FSTL5: variants seen among roughly 807,000 people sequenced by gnomAD.
FSTL5 encodes follistatin-related protein 5.
In FSTL5, 62 loss-of-function variants were observed where a neutral mutation model predicts 89.1. The ratio of observed to expected loss-of-function variants is 0.70; its 90% CI spans 0.57 to 0.86. The LOEUF is 0.86. Among genes scored for constraint, FSTL5 ranks in the 40% least tolerant of loss-of-function variants. FSTL5 has a pLI of 0.00. For synonymous variants in FSTL5, 383 were observed against 346.2 expected (o/e 1.11, Z -1.18); for missense variants, 1,057 against 1,001.6 (o/e 1.06, Z -0.75).
chr4:161,531,357 G>A (rs1731405832), intron 10 of FSTL5, among the ~76,000 whole-genome samples: 1 of 152,098 alleles, frequency 6.6e-6, no homozygotes, highest in Non-Finnish European at 1.5e-5. Context: ...ACTACTATGA[G>A]CTCTCTATTA....
intron 1 of FSTL5, among the ~76,000 whole-genome samples, chr4:162,143,740 AC>A (rs1561043124): frequency 1.7e-4 from 8 of 48,090 alleles, no homozygotes; most frequent in African/African-American, 3.2e-4. Flanking sequence ...ACACACACAC[AC>A]ACACACACCC....
At chr4:161,908,299 TA>T (rs1010117373) in intron 4 of FSTL5, among the ~76,000 whole-genome samples, 13 of 151,308 alleles carry the variant, frequency 8.6e-5, no homozygotes, top group Admixed American at 5.3e-4. Context: ...ATGTATTAAC[TA>T]AAAAAAAATC....
chr4:161,677,572 AT>A lies in FSTL5; in HGVS notation c.728-21079del, dbSNP rs1204560910. Among the ~76,000 whole-genome samples, 7 of 152,110 alleles carry A rather than the reference AT, an allele frequency of 4.6e-5. No homozygotes were observed. In the East Asian group the frequency reaches 5.8e-4, roughly 13 times the overall value. Reference sequence around the variant, plus strand: ...TATTGGAAAATCACAGCACAAAAAAATATTAGCTACAAAGTTTCGAGGATAT... The same window carrying A: ...TATTGGAAAATCACAGCACAAAAAAAATTAGCTACAAAGTTTCGAGGATAT... On this transcript the variant is annotated intron_variant, in intron 6 of 15. Coordinates refer to ENST00000306100, the MANE Select transcript of FSTL5 (RefSeq NM_020116.5).
intron 2 of FSTL5, among the ~76,000 whole-genome samples, chr4:162,055,935 A>G (rs1738528183): frequency 6.6e-6 from 1 of 151,926 alleles, no homozygotes; most frequent in Non-Finnish European, 1.5e-5. Context: ...CAAACAATAC[A>G]GAATAATAAT....
At chr4:161,721,248 G>A (rs1253511294) in intron 6 of FSTL5, among the ~76,000 whole-genome samples, 11 of 134,518 alleles carry the variant, frequency 8.2e-5, no homozygotes, top group Non-Finnish European at 1.7e-4. Context: ...ACTGCAGTCC[G>A]CAGTCCGGCC....
chr4:161,422,041 T>C (rs894547401), intron 15 of FSTL5, among the ~76,000 whole-genome samples: 2 of 152,078 alleles, frequency 1.3e-5, no homozygotes, highest in Non-Finnish European at 1.5e-5. Context: ...CTATGTATAT[T>C]ATATACGGCA....
At chr4:161,580,036 C>T (rs1733380266) in intron 8 of FSTL5, among the ~76,000 whole-genome samples, 1 of 152,076 alleles carries the variant, frequency 6.6e-6, no homozygotes, top group Admixed American at 6.6e-5. Context: ...GAACTTTAAT[C>T]TCTTCAGTTT....
intron 7 of FSTL5, among the ~76,000 whole-genome samples, chr4:161,651,881 G>A (rs908823799): frequency 2.6e-5 from 4 of 152,130 alleles, no homozygotes; most frequent in Non-Finnish European, 5.9e-5. Context: ...ATATAAAACA[G>A]ACGAAATGAA....
rs369295976 is a variant in FSTL5 at position 161,579,771 on chromosome 4, A to T, written c.1015+7684T>A. Among the ~76,000 whole-genome samples the T allele has an allele frequency of 4.3e-3, 642 of 148,210 alleles. 4 individuals are homozygous for T. Among genetic ancestry groups the T allele is most frequent in the African/African-American group, 0.013 (534 of 40,606 alleles). ...AAAGAAAAAGAAAAAAAGAAAAAAA[A>T]ATGGATGTGATCATTTGAAAATGGA... On this transcript the variant is annotated intron_variant, in intron 8 of 15. Transcript: ENST00000306100.
intron 4 of FSTL5, among the ~76,000 whole-genome samples, chr4:161,779,783 ATATATATATATATATATATATATATATG>A (rs1560840839): frequency 0.045 from 1,705 of 38,030 alleles, 102 homozygotes; most frequent in African/African-American, 0.19. Context: ...ATGTATATAT[ATATATATATATATATATATATATATATG>A]TATATATATA....
At chr4:161,712,824 G>A (rs547271158) in intron 6 of FSTL5, among the ~76,000 whole-genome samples, 11 of 151,646 alleles carry the variant, frequency 7.3e-5, no homozygotes. Flanking sequence ...GCTTAAAAGG[G>A]CTTGACCCCT....
At chr4:161,845,119 G>A (rs953867826) in intron 4 of FSTL5, among the ~76,000 whole-genome samples, 3 of 152,130 alleles carry the variant, frequency 2.0e-5, no homozygotes, top group African/African-American at 7.2e-5. Flanking sequence ...TCTTTCCTGA[G>A]TTGAAGTGTC....
chr4:161,743,670 G>T (rs2126774362), intron 6 of FSTL5, among the ~76,000 whole-genome samples: 1 of 152,134 alleles, frequency 6.6e-6, no homozygotes, highest in East Asian at 1.9e-4. Context: ...AAGTCTTGCA[G>T]ATATATTTTA....
chr4:161,761,734 A>C (rs572742609), intron 5 of FSTL5, among the ~76,000 whole-genome samples: 1 of 152,356 alleles, frequency 6.6e-6, no homozygotes, highest in South Asian at 2.1e-4. Flanking sequence ...ATTTTAATGC[A>C]TGTGACCTTG....
intron 2 of FSTL5, among the ~76,000 whole-genome samples, chr4:162,051,461 A>G (rs1276723754): frequency 6.6e-6 from 1 of 151,498 alleles, no homozygotes; most frequent in African/African-American, 2.4e-5. Context: ...AGCTCAAACT[A>G]TTTGAAATAT....
chr4:161,808,554 GA>G (rs1017748062), intron 4 of FSTL5, among the ~76,000 whole-genome samples: 3 of 150,852 alleles, frequency 2.0e-5, no homozygotes, highest in Non-Finnish European at 3.0e-5. Context: ...ACTCTTAGAA[GA>G]AAAAAAAGGA....
At chr4:161,599,922 G>A (rs752308212) in intron 7 of FSTL5, among the ~76,000 whole-genome samples, 9 of 151,544 alleles carry the variant, frequency 5.9e-5, no homozygotes, top group Admixed American at 3.3e-4. Flanking sequence ...AATTCAAGAC[G>A]ACCCATATAA....
chr4:162,163,693 A>C lies in FSTL5; in HGVS notation c.-95T>G, dbSNP rs1436021456. The C allele has an allele frequency of 1.3e-5, 2 of 150,720 alleles. No individual in the cohort carries two copies. The highest frequency in any genetic ancestry group is 2.4e-5 in the African/African-American group (1 of 40,948). The allele number at this position is 150,720 out of a possible 1,614,324, so 9.3% of individuals were successfully genotyped here. A position where few individuals can be genotyped will look rare whatever the true frequency, so the allele number is the denominator to read the frequency against. Reference sequence around the variant, plus strand: ...ATATAAATCACAATAAAAAAAAAAAACTCTCAAAAGATCGTCTTAGCTGGG... The same window carrying C: ...ATATAAATCACAATAAAAAAAAAAACCTCTCAAAAGATCGTCTTAGCTGGG... On this transcript the variant is annotated 5_prime_UTR_variant, in exon 1 of 16. Coordinates refer to ENST00000306100, the MANE Select transcript of FSTL5 (RefSeq NM_020116.5).
intron 6 of FSTL5, among the ~76,000 whole-genome samples, chr4:161,698,649 C>T (rs1284943749): frequency 2.0e-5 from 3 of 152,154 alleles, no homozygotes; most frequent in Non-Finnish European, 2.9e-5. Context: ...GAGGAGAAGG[C>T]CAGGCGCAGT....
Sources: gnomAD v4.1 joint callset for allele counts (sites outside exome capture counted in the v4.1 genomes callset) on GRCh38, gnomAD v4.1.1 for gene constraint, MANE v1.5 for transcripts, NCBI Gene and HGNC (gene_info 2026-07-23, HGNC 2026-07-21) for gene names.